The following SDHA variants were observed in gnomAD, a reference collection of about 807,000 sequenced individuals.
SDHA encodes the protein succinate dehydrogenase [ubiquinone] flavoprotein subunit, mitochondrial.
A neutral mutation model predicts 78.4 loss-of-function variants in SDHA; 48 were observed. That is an observed-to-expected ratio of 0.61 (90% CI 0.49 to 0.78). The LOEUF (loss-of-function observed/expected upper bound fraction) is 0.78, where lower values mean the gene tolerates loss of function less well. SDHA is among the 30% of genes least tolerant of loss of function. The pLI is 0.00. For missense variants in SDHA, 680 were observed against 892.7 expected (o/e 0.76, Z 3.04); for synonymous variants, 326 against 353.9 (o/e 0.92, Z 0.88).
chr5:227,624 T>C (rs1434954904), intron 5 of SDHA: 1 of 181,678 alleles, frequency 5.5e-6, no homozygotes, highest in Non-Finnish European at 1.2e-5. Flanking sequence ...CGACTTGTGC[T>C]GGCTGAGGGA....
chr5:224,126 C>T (rs1734869791), intron 2 of SDHA, among the ~76,000 whole-genome samples: 1 of 152,170 alleles, frequency 6.6e-6, no homozygotes, highest in African/African-American at 2.4e-5. Context: ...CTCAGTCTGA[C>T]CCCATGGGAT....
Position 225,990 on chromosome 5 carries a change from G to C in SDHA, c.564G>C (p.Arg188=). 6.2e-7 allele frequency: 1 copy of C among 1,614,188 alleles called. No homozygotes were observed. Among genetic ancestry groups the C allele is most frequent in the Non-Finnish European group, 8.5e-7 (1 of 1,180,046 alleles). ...LKFGKGGQAH[R]CCCVADRTGH... is the part of the protein sequence containing the mutation. Reference sequence around the variant, plus strand: ...TTGGAAAGGGCGGGCAGGCCCATCGGTGCTGCTGTGTGGCTGATCGGACTG... The same window carrying C: ...TTGGAAAGGGCGGGCAGGCCCATCGCTGCTGCTGTGTGGCTGATCGGACTG... The change falls in exon 5 of 15, where the codon CGG becomes CGC. Residue 188 remains arginine (R), a synonymous_variant. Transcript: ENST00000264932.
Position 230,353 on chromosome 5 carries a change from G to A in SDHA, c.771-523G>A, listed in dbSNP as rs189246743. ...CTAAAATACAAATAGGGCCAGGTGT[G>A]CAGTGGCTCACGCCTGTAATCCCGG... On this transcript the variant is annotated intron_variant, in intron 6 of 14. Transcript: ENST00000264932. Among the ~76,000 whole-genome samples the A allele has an allele frequency of 3.5e-3, 528 of 152,302 alleles. 2 individuals carry two copies. The highest frequency in any genetic ancestry group is 0.012 in the African/African-American group (493 of 41,564).
intron 7 of SDHA, among the ~76,000 whole-genome samples, chr5:232,460 A>AGGTCTCAAAC (rs1735470332): frequency 6.6e-6 from 1 of 152,184 alleles, no homozygotes; most frequent in African/African-American, 2.4e-5. Flanking sequence ...GGCTTAGGCC[A>AGGTCTCAAAC]TCCTCCTGCC....
At chr5:238,432 T>A (rs1735917132) in intron 10 of SDHA, among the ~76,000 whole-genome samples, 1 of 150,066 alleles carries the variant, frequency 6.7e-6, no homozygotes, top group African/African-American at 2.5e-5. Flanking sequence ...TACATATATA[T>A]ACACATATAT....
At chr5:236,315 C>G in intron 9 of SDHA, 113 bp from the exon 10 acceptor site, 1 of 1,103,794 alleles carries the variant, frequency 9.1e-7, no homozygotes, top group Non-Finnish European at 1.4e-6. Context: ...TGAGCCACCA[C>G]GCCTGGCCTA....
the SDHA span, among the ~76,000 whole-genome samples, chr5:267,133 A>T: frequency 6.6e-6 from 1 of 152,254 alleles, no homozygotes; most frequent in African/African-American, 2.4e-5. Flanking sequence ...TAAAAGCAGT[A>T]TTTGGTAGAA....
intron 10 of SDHA, among the ~76,000 whole-genome samples, chr5:237,513 G>A (rs111310341): frequency 1.5e-5 from 2 of 133,386 alleles, no homozygotes; most frequent in Non-Finnish European, 3.0e-5. Context: ...GGGGCAGTTA[G>A]CATCTCTCCC....
intron 7 of SDHA, 119 bp from the exon 8 acceptor site, chr5:233,358 C>T (rs7702330): frequency 0.14 from 154,210 of 1,064,598 alleles, 16,851 homozygotes; most frequent in African/African-American, 0.53. Flanking sequence ...CAGTTTTGCA[C>T]ATAATGCCTT....
Position 257,014 on chromosome 5 carries a change from A to G in SDHA, c.*594A>G, listed in dbSNP as rs1579449914. On this transcript the variant is annotated 3_prime_UTR_variant, in exon 15 of 15. Transcript: ENST00000264932. The stretch of plus-strand genomic sequence containing the variant: ...GGGACAGGGTCTCACTGTGTTGCCT[A>G]GGCTGGTCTCAAGTGATCCTCCCTC... Among the ~76,000 whole-genome samples, 5 of 116,918 alleles carry G rather than the reference A, an allele frequency of 4.3e-5. 1 individual carries two copies. 76.7% of individuals were successfully genotyped at this position (116,918 alleles called of 152,430 possible).
At chr5:263,338 C>T in the SDHA span, among the ~76,000 whole-genome samples, 3 of 152,226 alleles carry the variant, frequency 2.0e-5, no homozygotes, top group Non-Finnish European at 2.9e-5. Context: ...ACATCACACA[C>T]AGGAAACAGT....
the SDHA span, among the ~76,000 whole-genome samples, chr5:264,480 C>T: frequency 1.3e-5 from 2 of 152,134 alleles, no homozygotes; most frequent in Non-Finnish European, 2.9e-5. Flanking sequence ...TGGTGCATTC[C>T]TTCACCAGCC....
downstream of SDHA, among the ~76,000 whole-genome samples, chr5:258,675 T>C (rs867804550): frequency 8.0e-4 from 53 of 66,502 alleles, no homozygotes; most frequent in Non-Finnish European, 1.1e-3. Flanking sequence ...CCGCCTCCTG[T>C]CACAGCATTA....
chr5:266,759 C>G, the SDHA span, among the ~76,000 whole-genome samples: 12,050 of 112,548 alleles, frequency 0.11, 1,034 homozygotes, highest in African/African-American at 0.31. Flanking sequence ...CAGTAGACAC[C>G]GTGGCCGCTG....
chr5:264,383 G>A, the SDHA span, among the ~76,000 whole-genome samples: 5 of 152,238 alleles, frequency 3.3e-5, no homozygotes, highest in Non-Finnish European at 7.3e-5. Flanking sequence ...AGGGAAGCGG[G>A]AGGTAAGACA....
intron 3 of SDHA, 73 bp downstream of exon 3, chr5:224,594 A>C (rs1461768142): frequency 6.5e-7 from 1 of 1,533,012 alleles, no homozygotes; most frequent in African/African-American, 1.4e-5. Flanking sequence ...CTACCTGGGC[A>C]GCCCCCTGCC....
chr5:228,379 A>T (rs764755535), intron 6 of SDHA, 46 bp downstream of exon 6: 12 of 1,551,226 alleles, frequency 7.7e-6, no homozygotes, highest in South Asian at 4.5e-5. Context: ...AAATGAATAA[A>T]TTTCATTTAG....
intron 7 of SDHA, among the ~76,000 whole-genome samples, chr5:232,287 T>C (rs555329668): frequency 1.2e-4 from 18 of 152,296 alleles, no homozygotes. Flanking sequence ...CTTGACTCAC[T>C]GCAGCCTTTG....
the SDHA span, among the ~76,000 whole-genome samples, chr5:264,935 C>T: frequency 7.9e-5 from 12 of 152,292 alleles, no homozygotes; most frequent in African/African-American, 2.4e-4. Context: ...TGGCCAGGTG[C>T]GGTGGCTCAC....
Sources: gnomAD v4.1 joint callset for allele counts (sites outside exome capture counted in the v4.1 genomes callset) on GRCh38, gnomAD v4.1.1 for gene constraint, MANE v1.5 for transcripts, NCBI Gene and HGNC (gene_info 2026-07-23, HGNC 2026-07-21) for gene names.